Variants in PC observed in about 807,000 individuals in gnomAD.
The protein encoded by PC is pyruvate carboxylase, mitochondrial.
Under a neutral mutation model 107.8 loss-of-function variants are expected in PC, and 46 were observed. The ratio of observed to expected loss-of-function variants is 0.43; its 90% CI spans 0.34 to 0.55. The LOEUF (loss-of-function observed/expected upper bound fraction) is 0.55, where lower values mean the gene tolerates loss of function less well. Among genes scored for constraint, PC ranks in the 20% least tolerant of loss-of-function variants. The probability of loss-of-function intolerance (pLI) is 0.04; values close to 1 mark genes in which losing one functional copy is unlikely to be tolerated. For missense variants in PC, 1,241 were observed against 1,643.1 expected (o/e 0.76, Z 4.23); for synonymous variants, 662 against 684.7 (o/e 0.97, Z 0.52).
intron 10 of PC, 40 bp downstream of exon 10, chr11:66,868,806 G>C: frequency 6.6e-7 from 1 of 1,521,692 alleles, no homozygotes; most frequent in South Asian, 1.1e-5. Context: ...GCAAATCCTA[G>C]AAGCCGCGCC....
chr11:66,944,475 A>G lies in PC; in HGVS notation c.-1+7955T>C, dbSNP rs1173633248. ...ACACCTATAATCCCAGCTACTCAGG[A>G]GTCTGAGGCAGGAGAATCGCTTGAA... On this transcript the variant is annotated intron_variant, in intron 3 of 22. Coordinates refer to ENST00000393960, the MANE Select transcript of PC (RefSeq NM_001040716.2). Among the ~76,000 whole-genome samples, 18 of 113,004 alleles carry G rather than the reference A, an allele frequency of 1.6e-4. 7 individuals are homozygous for G. The highest frequency in any genetic ancestry group is 2.3e-4 in the Non-Finnish European group (12 of 51,454). 74.1% of individuals were successfully genotyped at this position (113,004 alleles called of 152,430 possible).
At chr11:66,869,657 C>T (rs575593381) in intron 9 of PC, among the ~76,000 whole-genome samples, 2 of 152,298 alleles carry the variant, frequency 1.3e-5, no homozygotes, top group East Asian at 1.9e-4. Context: ...CCCCGGCCTT[C>T]GGCATGGGGA....
Position 66,899,849 on chromosome 11 carries a change from T to C in PC, c.1-27690A>G, listed in dbSNP as rs185215974. 9.8e-5 allele frequency among the ~76,000 whole-genome samples: 15 copies of C among 152,354 alleles called. 1 individual carries two copies. The highest frequency in any genetic ancestry group is 7.2e-4 in the Admixed American group (11 of 15,300). On this transcript the variant is annotated intron_variant, in intron 3 of 22. Transcript: ENST00000393960. ...TGCCTAACCTAAGGTCACAAAGAAT[T>C]ACACTTATTTTTCTCCTTATAGCTC...
At position 66,853,487 on chromosome 11, in the gene PC, CA is replaced by C. The variant is rs959032627; in HGVS notation, c.1369-105del. ...AAAGGCTGAAGATGCTGCCCTGGGCCAGCACAGCTTCTGGGCCTCCCTGCAG... is the reference window on the plus strand; with the variant it reads ...AAAGGCTGAAGATGCTGCCCTGGGCCGCACAGCTTCTGGGCCTCCCTGCAG... On this transcript the variant is annotated intron_variant, in intron 12 of 22. Transcript: ENST00000393960. The C allele has an allele frequency of 5.8e-6, 8 of 1,380,072 alleles. No homozygotes were observed. The African/African-American group carries it at 9.9e-5, about 17-fold the overall frequency. 85.5% of individuals were successfully genotyped at this position (1,380,072 alleles called of 1,614,324 possible).
At chr11:66,936,883 A>T (rs1055252090) in intron 3 of PC, among the ~76,000 whole-genome samples, 6 of 151,968 alleles carry the variant, frequency 3.9e-5, no homozygotes, top group Admixed American at 3.3e-4. Flanking sequence ...CCAGGCTCCC[A>T]GGCTGGAATG....
chr11:66,902,086 A>G (rs1014908614), intron 3 of PC, among the ~76,000 whole-genome samples: 4 of 152,168 alleles, frequency 2.6e-5, no homozygotes, highest in Non-Finnish European at 5.9e-5. Flanking sequence ...AAGAAATCCA[A>G]TGGGAAACAG....
chr11:66,852,986 C>G lies in PC; in HGVS notation c.1514-150G>C. 1.4e-6 allele frequency: 1 copy of G among 717,548 alleles called. No individual in the cohort carries two copies. The highest frequency in any genetic ancestry group is 2.3e-6 in the Non-Finnish European group (1 of 440,704). 44.4% of individuals were successfully genotyped at this position (717,548 alleles called of 1,614,324 possible). A position where few individuals can be genotyped will look rare whatever the true frequency, so the allele number is the denominator to read the frequency against. On this transcript the variant is annotated intron_variant, in intron 13 of 22. Transcript: ENST00000393960. The surrounding 1 kb of genome is among the most constrained non-coding windows in gnomAD (Gnocchi z 4.7). ...CCCCTGTCCTCTCCAAAGCCAGGGC[C>G]TCCTGGGTACAGGCAGTGGGGACGT...
rs1361708921 is a variant in PC at position 66,858,350 on chromosome 11, C to T, written c.1369-4967G>A. The stretch of plus-strand genomic sequence containing the variant: ...AGCTCTCCCGCCTGGACCTCACCTC[C>T]AACCGCCTGGCCACGCTGGCTCCGG... On this transcript the variant is annotated intron_variant, in intron 12 of 22. Coordinates refer to ENST00000393960, the MANE Select transcript of PC (RefSeq NM_001040716.2). The surrounding 1 kb of genome is among the most constrained non-coding windows in gnomAD (Gnocchi z 5.9). 3 of 1,601,448 alleles carry T rather than the reference C, an allele frequency of 1.9e-6. No homozygotes were observed. The highest frequency in any genetic ancestry group is 2.5e-6 in the Non-Finnish European group (3 of 1,177,074).
Position 66,866,141 on chromosome 11 carries a change from T to A in PC, c.1185+46A>T, listed in dbSNP as rs1210911065. ...GCAGCCCCAGGCACCAGGCAGAACCTGTGCACAGGTGAGCTGGCATCTCCC... is the reference window on the plus strand; with the variant it reads ...GCAGCCCCAGGCACCAGGCAGAACCAGTGCACAGGTGAGCTGGCATCTCCC... On this transcript the variant is annotated intron_variant, in intron 11 of 22. Transcript: ENST00000393960. The surrounding 1 kb of genome is among the most constrained non-coding windows in gnomAD (Gnocchi z 5.4). The A allele has an allele frequency of 6.3e-7, 1 of 1,589,802 alleles. No individual in the cohort carries two copies. Among genetic ancestry groups the A allele is most frequent in the Non-Finnish European group, 8.5e-7 (1 of 1,171,928 alleles).
rs1231779302 is a variant in PC, at chr11:66,870,336, C to T, written c.869G>A (p.Arg290Gln). 1.9e-6 allele frequency: 3 copies of T among 1,613,596 alleles called. No homozygotes were observed. The highest frequency in any genetic ancestry group is 2.2e-5 in the East Asian group (1 of 44,876). The change falls in exon 9 of 23, where the codon CGG becomes CAG. Residue 290 changes from arginine to glutamine, a missense_variant. Arg to Gln is a conservative substitution (Grantham distance 43). Coordinates refer to ENST00000393960, the MANE Select transcript of PC (RefSeq NM_001040716.2). This position sits in a 1 kb window ranked among gnomAD's most constrained non-coding sequence, Gnocchi z 6.1. ...AAHLDPQLRT[R>Q]LTSDSVKLAK... ...GAGTTTCACAGAGTCGCTGGTGAGC[C>T]GAGTCCGAAGCTGCGGGTCCAGGTG...
intron 12 of PC, among the ~76,000 whole-genome samples, chr11:66,855,314 T>C (rs1419646652): frequency 6.6e-6 from 1 of 152,140 alleles, no homozygotes; most frequent in African/African-American, 2.4e-5. Context: ...CATCTATATT[T>C]AGAGTGAATG....
intron 1 of PC, among the ~76,000 whole-genome samples, chr11:66,954,910 T>G (rs1215566358): frequency 6.6e-6 from 1 of 151,256 alleles, no homozygotes; most frequent in African/African-American, 2.4e-5. Flanking sequence ...GCCACTGTAC[T>G]GCAGCCTGGG....
chr11:66,889,521 C>T (rs1288759640), intron 3 of PC, among the ~76,000 whole-genome samples: 4 of 152,038 alleles, frequency 2.6e-5, no homozygotes, highest in African/African-American at 9.7e-5. Context: ...CAGGCACCCG[C>T]CACCACGCCC....
At chr11:66,860,161 G>T in intron 12 of PC, 1 of 1,548,032 alleles carries the variant, frequency 6.5e-7, no homozygotes, top group Non-Finnish European at 8.7e-7. Flanking sequence ...GGGGTAGGAG[G>T]CAGCGCCGAG....
At position 66,900,177 on chromosome 11, in the gene PC, T is replaced by C. The variant is rs1947896435; in HGVS notation, c.1-28018A>G. ...TCAGGAAGTGTGAGTCCTCCAACGT[T>C]GTTTTTTTTTTTTTTTTTTTTGAGA... is the stretch of plus-strand genomic sequence containing the variant. On this transcript the variant is annotated intron_variant, in intron 3 of 22. Transcript: ENST00000393960. Among the ~76,000 whole-genome samples, 4 of 94,146 alleles carry C rather than the reference T, an allele frequency of 4.2e-5. No individual in the cohort carries two copies. The South Asian group carries it at 1.7e-3, about 40-fold the overall frequency. 61.8% of individuals were successfully genotyped at this position (94,146 alleles called of 152,430 possible).
At chr11:66,860,398 C>T (rs1397264509) in intron 12 of PC, 1 of 766,482 alleles carries the variant, frequency 1.3e-6, no homozygotes, top group Non-Finnish European at 2.3e-6. Context: ...CAGGTGCTCA[C>T]AGCCACCGAG....
intron 3 of PC, among the ~76,000 whole-genome samples, chr11:66,879,967 C>G (rs1294776821): frequency 6.6e-6 from 1 of 152,178 alleles, no homozygotes; most frequent in African/African-American, 2.4e-5. Context: ...AGTTATGGCC[C>G]TGAAACTAAG....
chr11:66,946,675 G>A (rs1423742694), intron 3 of PC, among the ~76,000 whole-genome samples: 1 of 152,056 alleles, frequency 6.6e-6, no homozygotes, highest in Non-Finnish European at 1.5e-5. Flanking sequence ...CATGGTCCCA[G>A]CTACTCAAGA....
chr11:66,848,965 G>C lies in PC; in HGVS notation c.3471C>G (p.Val1157=). 6.2e-7 allele frequency: 1 copy of C among 1,614,082 alleles called. No homozygotes were observed. Among genetic ancestry groups the C allele is most frequent in the Non-Finnish European group, 8.5e-7 (1 of 1,180,024 alleles). ...TVVTSPMEGT[V]RKVHVTKDMT... ...TGTCCTTGGTCACATGAACCTTGCG[G>C]ACAGTACCCTCCATGGGTGAGGTCA... Residue 1157 remains valine, a synonymous_variant, in exon 23 of 23, where the codon GTC becomes GTG. Coordinates refer to ENST00000393960, the MANE Select transcript of PC (RefSeq NM_001040716.2).
Sources: allele counts gnomAD v4.1 joint callset (sites outside exome capture counted in the v4.1 genomes callset), GRCh38; gene constraint gnomAD v4.1.1; non-coding constraint Gnocchi (gnomAD v3.1); transcripts MANE v1.5; gene names NCBI Gene and HGNC (gene_info 2026-07-23, HGNC 2026-07-21).